The following SCFD1 variants were observed in gnomAD, a reference collection of about 807,000 sequenced individuals.
SCFD1 encodes the protein sec1 family domain containing 1.
In SCFD1, 37 loss-of-function variants were observed where a neutral mutation model predicts 103.2. The observed-to-expected ratio is 0.36, with a 90% CI of 0.28 to 0.47. The LOEUF (loss-of-function observed/expected upper bound fraction) is 0.47. Ranked by LOEUF, SCFD1 falls within the 20% of genes least tolerant of loss-of-function variation. The pLI is 1.00. For synonymous variants in SCFD1, 264 were observed against 245.0 expected (o/e 1.08, Z -0.73); for missense variants, 639 against 761.2 (o/e 0.84, Z 1.89).
At chr14:30,654,641 T>G (rs57216699) in intron 10 of SCFD1, among the ~76,000 whole-genome samples, 2,503 of 146,804 alleles carry the variant, frequency 0.017, 93 homozygotes, top group African/African-American at 0.06. Flanking sequence ...GCCACTGCAC[T>G]CCAGCCTGGG....
Position 30,735,680 on chromosome 14 carries a change from G to C in SCFD1, c.*71G>C. On this transcript the variant is annotated 3_prime_UTR_variant, in exon 25 of 25. Coordinates refer to ENST00000458591, the MANE Select transcript of SCFD1 (RefSeq NM_016106.4). ...TGTAAAAAGAAGAAAAGTTAGAAGA[G>C]CAATATGTTTCCTTCTCTGTAACAG... 8.8e-7 allele frequency: 1 copy of C among 1,132,036 alleles called. No homozygotes were observed. The highest frequency in any genetic ancestry group is 1.4e-5 in the South Asian group (1 of 71,590). 70.1% of individuals were successfully genotyped at this position (1,132,036 alleles called of 1,614,324 possible).
At chr14:30,641,406 A>G (rs558133688) in intron 6 of SCFD1, among the ~76,000 whole-genome samples, 1 of 152,290 alleles carries the variant, frequency 6.6e-6, no homozygotes, top group African/African-American at 2.4e-5. Flanking sequence ...CATAAACATA[A>G]AAGTTAGGGT....
Position 30,712,915 on chromosome 14 carries a change from C to T in SCFD1, c.1630-3009C>T, listed in dbSNP as rs1027159703. 1.2e-4 allele frequency among the ~76,000 whole-genome samples: 18 copies of T among 152,230 alleles called. 1 individual carries two copies. Among genetic ancestry groups the T allele is most frequent in the Admixed American group, 9.8e-4 (15 of 15,288 alleles). On this transcript the variant is annotated intron_variant, in intron 19 of 24. Coordinates refer to ENST00000458591, the MANE Select transcript of SCFD1 (RefSeq NM_016106.4). ...CATTTGATAAAATTTTATTTATACC[C>T]CTTTTACTGAAGCACACAGACTTTT...
At chr14:30,702,174 A>G (rs1157786188) in intron 16 of SCFD1, 122 bp from the exon 17 acceptor site, 5 of 599,960 alleles carry the variant, frequency 8.3e-6, no homozygotes, top group African/African-American at 5.7e-5. Flanking sequence ...ACTCCACTCT[A>G]CTTGGGTGCC....
At chr14:30,710,196 C>A (rs1891766496) in intron 19 of SCFD1, among the ~76,000 whole-genome samples, 1 of 151,718 alleles carries the variant, frequency 6.6e-6, no homozygotes, top group Admixed American at 6.6e-5. Context: ...GATCTTACAT[C>A]TCTGTTTTTT....
intron 14 of SCFD1, among the ~76,000 whole-genome samples, chr14:30,679,702 A>G (rs1889321251): frequency 6.8e-6 from 1 of 148,126 alleles, no homozygotes; most frequent in Admixed American, 6.7e-5. Context: ...TTTTTTTAAC[A>G]TTAACTGACT....
chr14:30,674,999 C>T lies in SCFD1; in HGVS notation c.1176C>T (p.Leu392=). The change falls in exon 14 of 25, where the codon CTC becomes CTT. Residue 392 remains leucine, a synonymous_variant. Transcript: ENST00000458591. ...LTSAVSSLPE[L]LEKKRLIDLH... ...ATACTTGCAGTTCTTTGCCAGAACT[C>T]CTTGAGAAAAAAAGACTTATTGATC... 6.3e-7 allele frequency: 1 copy of T among 1,579,240 alleles called. No homozygotes were observed.
chr14:30,698,038 T>G (rs949907296), intron 15 of SCFD1, among the ~76,000 whole-genome samples: 1 of 152,238 alleles, frequency 6.6e-6, no homozygotes, highest in Admixed American at 6.5e-5. Flanking sequence ...GCTAATTGTT[T>G]TACTGAGGCT....
At chr14:30,731,658 A>G (rs1202745819) in intron 23 of SCFD1, among the ~76,000 whole-genome samples, 1 of 152,012 alleles carries the variant, frequency 6.6e-6, no homozygotes, top group African/African-American at 2.4e-5. Flanking sequence ...CTGTTTGTCT[A>G]TTATTGATGT....
chr14:30,623,555 A>T (rs1340663362), intron 1 of SCFD1, among the ~76,000 whole-genome samples: 3 of 152,218 alleles, frequency 2.0e-5, no homozygotes. Flanking sequence ...TGTTTAAACA[A>T]ATGGAAGCTC....
At position 30,722,617 on chromosome 14, in the gene SCFD1, A is replaced by G. The variant is rs563556442; in HGVS notation, c.1836+58A>G. 331 of 1,051,382 alleles carry G rather than the reference A, an allele frequency of 3.1e-4. 1 individual carries two copies. The highest frequency in any genetic ancestry group is 4.3e-4 in the Non-Finnish European group (303 of 707,188). 65.1% of individuals were successfully genotyped at this position (1,051,382 alleles called of 1,614,324 possible). On this transcript the variant is annotated intron_variant, in intron 23 of 24. Coordinates refer to ENST00000458591, the MANE Select transcript of SCFD1 (RefSeq NM_016106.4). ...TAGATGGTTTCATAGGTAGAACACT[A>G]GCATACTCTGATGGCTATCCTGATC...
At chr14:30,683,425 TG>T in intron 14 of SCFD1, 1 of 520,646 alleles carries the variant, frequency 1.9e-6, no homozygotes, top group Non-Finnish European at 3.7e-6. Flanking sequence ...CCTACCCATG[TG>T]AAAAGGTGGT....
At chr14:30,735,555 G>A in intron 24 of SCFD1, 31 bp from the exon 25 acceptor site, 1 of 1,502,784 alleles carries the variant, frequency 6.7e-7, no homozygotes, top group South Asian at 1.2e-5. Flanking sequence ...TTTTTTAAAA[G>A]TTTTATGTAT....
At chr14:30,659,311 T>C (rs948221180) in intron 10 of SCFD1, among the ~76,000 whole-genome samples, 2 of 152,040 alleles carry the variant, frequency 1.3e-5, no homozygotes, top group Non-Finnish European at 2.9e-5. Flanking sequence ...TATAGGATCA[T>C]GTAATCAATT....
At position 30,628,090 on chromosome 14, in the gene SCFD1, G is replaced by A. The variant is rs554700944; in HGVS notation, c.62-119G>A. 13 of 637,362 alleles carry A rather than the reference G, an allele frequency of 2.0e-5. No homozygotes were observed. The African/African-American group carries it at 2.2e-4, about 11-fold the overall frequency. The allele number at this position is 637,362 out of a possible 1,614,324, so 39.5% of individuals were successfully genotyped here. On this transcript the variant is annotated intron_variant, in intron 1 of 24. Coordinates refer to ENST00000458591, the MANE Select transcript of SCFD1 (RefSeq NM_016106.4). ...CTAGTTCTACACATATAGTCATTTG[G>A]TTAATCAGTTTTACTAGAGTTGATT...
chr14:30,666,331 A>G (rs1343585100), intron 10 of SCFD1, among the ~76,000 whole-genome samples: 25 of 152,270 alleles, frequency 1.6e-4, no homozygotes, highest in Non-Finnish European at 7.4e-5. Flanking sequence ...AGGCAGAAAT[A>G]AAGATGTTCT....
At chr14:30,691,452 A>G (rs1890292208) in intron 14 of SCFD1, among the ~76,000 whole-genome samples, 1 of 152,208 alleles carries the variant, frequency 6.6e-6, no homozygotes, top group Admixed American at 6.5e-5. Flanking sequence ...AGTTGTAAGT[A>G]AAGTGCCTTA....
At chr14:30,647,376 A>G (rs1292492270) in intron 7 of SCFD1, among the ~76,000 whole-genome samples, 1 of 151,722 alleles carries the variant, frequency 6.6e-6, no homozygotes, top group East Asian at 1.9e-4. Context: ...TTTTTCCCTT[A>G]ATTTCCAGCC....
At chr14:30,692,024 G>C (rs769952283) in intron 14 of SCFD1, among the ~76,000 whole-genome samples, 5 of 151,576 alleles carry the variant, frequency 3.3e-5, no homozygotes, top group East Asian at 1.9e-4. Context: ...AGGCTCAAGC[G>C]ATCCTCTCAC....
Sources: gnomAD v4.1 joint callset for allele counts (sites outside exome capture counted in the v4.1 genomes callset) on GRCh38, gnomAD v4.1.1 for gene constraint, MANE v1.5 for transcripts, NCBI Gene and HGNC (gene_info 2026-07-23, HGNC 2026-07-21) for gene names.